ENDOV: variants seen among roughly 807,000 people sequenced by gnomAD.
ENDOV encodes the protein hEndoV.
In ENDOV, 37 loss-of-function variants were observed where a neutral mutation model predicts 39.4. The ratio of observed to expected loss-of-function variants is 0.94; its 90% confidence interval spans 0.72 to 1.23. The LOEUF (loss-of-function observed/expected upper bound fraction) is 1.23. Ranked by LOEUF, ENDOV falls within the 50% of genes most tolerant of loss-of-function variation. The probability of loss-of-function intolerance (pLI) is 0.00; values close to 1 mark genes in which losing one functional copy is unlikely to be tolerated. For synonymous variants in ENDOV, 186 were observed against 163.4 expected (o/e 1.14, Z -1.05); for missense variants, 441 against 375.7 (o/e 1.17, Z -1.44).
intron 7 of ENDOV, among the ~76,000 whole-genome samples, chr17:80,426,053 G>A (rs2082650478): frequency 6.6e-6 from 1 of 152,192 alleles, no homozygotes; most frequent in Non-Finnish European, 1.5e-5. Flanking sequence ...CGCCAGTCTG[G>A]GGACTTGGGT....
intron 2 of ENDOV, among the ~76,000 whole-genome samples, chr17:80,416,710 CCCTTCCTT>C (rs765690073): frequency 1.5e-4 from 21 of 137,504 alleles, no homozygotes; most frequent in East Asian, 6.3e-4. Flanking sequence ...CTCCCTCCCT[CCCTTCCTT>C]CCTTCCTTCC....
rs1203237774 is a variant in ENDOV, at chr17:80,419,547, G to A, written c.229-2281G>A. The A allele has an allele frequency of 1.1e-5, 8 of 701,826 alleles. No homozygotes were observed. In the East Asian group the frequency reaches 2.1e-4, roughly 19 times the overall value. 43.5% of individuals were successfully genotyped at this position (701,826 alleles called of 1,614,324 possible). A position where few individuals can be genotyped will look rare whatever the true frequency, so the allele number is the denominator to read the frequency against. On this transcript the variant is annotated intron_variant, in intron 2 of 9. Coordinates refer to ENST00000518137, the MANE Select transcript of ENDOV (RefSeq NM_173627.5). ...ATGGCTAGTGTGTTCTGCTCCGCAGGGAGCTGACTCCTACTTGTCTGTGAC... is the reference window on the plus strand; with the variant it reads ...ATGGCTAGTGTGTTCTGCTCCGCAGAGAGCTGACTCCTACTTGTCTGTGAC...
rs41301910 is a variant in ENDOV, at chr17:80,432,126, A to G, written c.838+2295A>G. Among the ~76,000 whole-genome samples the G allele has an allele frequency of 6.9e-3, 1,046 of 152,182 alleles. 8 individuals carry two copies. The highest frequency in any genetic ancestry group is 0.024 in the African/African-American group (995 of 41,512). ...CCAGGGCAGCACCTGATAAGCCGAG[A>G]GCTGCAGCCGTGTCCACCTGGAACC... On this transcript the variant is annotated intron_variant, in intron 9 of 9. Coordinates refer to ENST00000518137, the MANE Select transcript of ENDOV (RefSeq NM_173627.5).
At chr17:80,434,447 G>C in intron 9 of ENDOV, among the ~76,000 whole-genome samples, 1 of 152,132 alleles carries the variant, frequency 6.6e-6, no homozygotes, top group Admixed American at 6.6e-5. Context: ...CAGTTGCCTT[G>C]GGTATATATA....
At chr17:80,428,983 A>G (rs2083075721) in intron 8 of ENDOV, among the ~76,000 whole-genome samples, 2 of 152,230 alleles carry the variant, frequency 1.3e-5, no homozygotes, top group African/African-American at 4.8e-5. Context: ...GTGAGGTACC[A>G]GGACGTGGGC....
chr17:80,423,903 G>A (rs1180471736), intron 5 of ENDOV: 3 of 492,144 alleles, frequency 6.1e-6, no homozygotes, highest in Non-Finnish European at 1.1e-5. Flanking sequence ...ACACCAAGTA[G>A]GGCTAAGTCC....
chr17:80,415,383 T>G (rs1425362153), intron 1 of ENDOV, 133 bp downstream of exon 1: 17 of 1,189,826 alleles, frequency 1.4e-5, no homozygotes, highest in Non-Finnish European at 3.5e-6. Context: ...AAAGCCCAGT[T>G]TCCGGCGCGG....
chr17:80,427,958 GCTAAT>G (rs1223553019), intron 7 of ENDOV: 27 of 1,058,176 alleles, frequency 2.6e-5, no homozygotes, highest in Non-Finnish European at 3.2e-5. Context: ...CAGCCCTGAA[GCTAAT>G]CTAAGCTCAT....
rs1568195919 is a variant in ENDOV at position 80,415,172 on chromosome 17, G to A, written c.-23G>A. 4 of 1,612,078 alleles carry A rather than the reference G, an allele frequency of 2.5e-6. No individual in the cohort carries two copies. The highest frequency in any genetic ancestry group is 2.2e-5 in the East Asian group (1 of 44,852). ...GAGTCGCTTCCGGAAGTGACGTGCG[G>A]AAGGGGTGCCCGGGACGAAGCCATG... On this transcript the variant is annotated 5_prime_UTR_variant, in exon 1 of 10. Transcript: ENST00000518137.
At chr17:80,420,453 A>C (rs1277897431) in intron 2 of ENDOV, 1 of 152,286 alleles carries the variant, frequency 6.6e-6, no homozygotes, top group Non-Finnish European at 1.5e-5. Flanking sequence ...AGATTTGATC[A>C]GTTTCCCCAT....
At chr17:80,429,719 G>C in intron 8 of ENDOV, 54 bp from the exon 9 acceptor site, 6 of 1,524,450 alleles carry the variant, frequency 3.9e-6, no homozygotes, top group Non-Finnish European at 5.3e-6. Flanking sequence ...GTGTGAGGGG[G>C]TGTCAGGTAG....
At chr17:80,429,894 C>CA (rs1280170947) in intron 9 of ENDOV, 63 bp downstream of exon 9, 1 of 1,611,864 alleles carries the variant, frequency 6.2e-7, no homozygotes, top group African/African-American at 1.3e-5. Flanking sequence ...GCCAGGCTCC[C>CA]AGGAGCAGGC....
intron 9 of ENDOV, among the ~76,000 whole-genome samples, chr17:80,432,511 G>A (rs796562659): frequency 3.3e-5 from 5 of 152,190 alleles, no homozygotes; most frequent in African/African-American, 9.6e-5. Flanking sequence ...AACACCAACC[G>A]AGCACAGCCG....
chr17:80,435,626 T>C (rs2083548566), intron 9 of ENDOV, among the ~76,000 whole-genome samples: 1 of 152,142 alleles, frequency 6.6e-6, no homozygotes, highest in African/African-American at 2.4e-5. Context: ...GGCTAATTTT[T>C]TTTTTTGAGA....
chr17:80,421,251 A>G (rs1365727730), intron 2 of ENDOV, among the ~76,000 whole-genome samples: 2 of 151,264 alleles, frequency 1.3e-5, no homozygotes, highest in Non-Finnish European at 2.9e-5. Flanking sequence ...GGCTCATCCT[A>G]TGAACTAGAT....
intron 9 of ENDOV, chr17:80,430,128 G>C (rs1479098578): frequency 2.0e-6 from 3 of 1,527,968 alleles, no homozygotes; most frequent in Non-Finnish European, 2.6e-6. Flanking sequence ...GGGCAGAGGT[G>C]ACCACGGCCC....
chr17:80,430,329 G>A (rs1489536837), intron 9 of ENDOV: 10 of 1,524,154 alleles, frequency 6.6e-6, no homozygotes, highest in Non-Finnish European at 8.8e-6. Flanking sequence ...GATGGAACTT[G>A]CTTGCTCTTT....
At chr17:80,428,187 G>C (rs1490571124) in intron 7 of ENDOV, among the ~76,000 whole-genome samples, 1 of 152,238 alleles carries the variant, frequency 6.6e-6, no homozygotes, top group Non-Finnish European at 1.5e-5. Context: ...GCTGGGCTCA[G>C]AGCCCCCAGA....
At chr17:80,423,478 C>CA in intron 4 of ENDOV, 42 bp from the exon 5 acceptor site, 1 of 1,393,834 alleles carries the variant, frequency 7.2e-7, no homozygotes, top group Non-Finnish European at 9.9e-7. Context: ...TGCCAGGCCC[C>CA]AGCCCCACCT....
Sources: gnomAD v4.1 joint callset for allele counts (sites outside exome capture counted in the v4.1 genomes callset) on GRCh38, gnomAD v4.1.1 for gene constraint, MANE v1.5 for transcripts, NCBI Gene and HGNC (gene_info 2026-07-23, HGNC 2026-07-21) for gene names.